Variants in ALMS1 observed in about 807,000 individuals in gnomAD.
ALMS1 encodes centrosome-associated protein ALMS1.
ALMS1 carries 271 observed loss-of-function variants against 352.2 expected under a neutral mutation model. That is an observed-to-expected ratio of 0.77 (90% CI 0.70 to 0.85). ALMS1 has a LOEUF of 0.85. Ranked by LOEUF, ALMS1 falls within the 40% of genes least tolerant of loss-of-function variation. ALMS1 has a pLI of 0.00. For missense variants in ALMS1, 5,445 were observed against 4,870.7 expected, an observed-to-expected ratio of 1.12 and a Z score of -3.51; for synonymous variants, 1,865 against 1,761.2, an observed-to-expected ratio of 1.06 and a Z score of -1.48.
intron 12 of ALMS1, among the ~76,000 whole-genome samples, chr2:73,538,554 G>A (rs570350599): frequency 8.5e-5 from 13 of 152,262 alleles, no homozygotes; most frequent in Admixed American, 7.8e-4. Context: ...AGTGGGTGCA[G>A]CACACCGAGC....
chr2:73,515,492 A>G (rs531873322), intron 10 of ALMS1, among the ~76,000 whole-genome samples: 22 of 152,232 alleles, frequency 1.4e-4, no homozygotes, highest in African/African-American at 3.9e-4. Flanking sequence ...TAAGAGGATA[A>G]TAGAGATTGA....
Position 73,489,758 on chromosome 2 carries a change from A to G in ALMS1, c.7799A>G (p.His2600Arg), listed in dbSNP as rs1345842508. The change falls in exon 10 of 23, where the codon CAC (histidine) becomes CGC (arginine). Residue 2600 changes from histidine to arginine, a missense_variant. Coordinates refer to ENST00000613296, the MANE Select transcript of ALMS1 (RefSeq NM_001378454.1). The part of the protein sequence containing the change: ...LTSEHPQLDR[H>R]PCAFRSAGPS... Reference sequence around the variant, plus strand: ...TCTGAACATCCACAACTAGATAGACACCCTTGTGCTTTCAGATCTGCTGGA... The same window carrying G: ...TCTGAACATCCACAACTAGATAGACGCCCTTGTGCTTTCAGATCTGCTGGA... 6.2e-7 allele frequency: 1 copy of G among 1,614,104 alleles called. No homozygotes were observed. Among genetic ancestry groups the G allele is most frequent in the African/African-American group, 1.3e-5 (1 of 74,988 alleles).
chr2:73,426,519 T>C lies in ALMS1; in HGVS notation c.1304T>C (p.Val435Ala). The C allele has an allele frequency of 6.2e-7, 1 of 1,614,158 alleles. No homozygotes were observed. The highest frequency in any genetic ancestry group is 8.5e-7 in the Non-Finnish European group (1 of 1,179,972). ...GATGGCCTAAATGAAAATGCTGTTG[T>C]ATGCAGTGAAAGAGTTGCTGAACTA... Reference protein sequence around the residue: ...TLDGLNENAVVCSERVAELQR... With the variant: ...TLDGLNENAVACSERVAELQR... The change falls in exon 6 of 23, where the codon GTA (valine) becomes GCA (alanine). Residue 435 changes from valine to alanine, a missense_variant. Val to Ala is a moderately conservative substitution (Grantham distance 64). Coordinates refer to ENST00000613296, the MANE Select transcript of ALMS1 (RefSeq NM_001378454.1).
chr2:73,417,667 TA>T lies in ALMS1; in HGVS notation c.451-1443del, dbSNP rs879450558. On this transcript the variant is annotated intron_variant, in intron 2 of 22. Coordinates refer to ENST00000613296, the MANE Select transcript of ALMS1 (RefSeq NM_001378454.1). ...CTGGGCAACATAGCAAGAACCTGTC[TA>T]AAAAAAAAAAAATTATTGCTATCCT... is the stretch of plus-strand genomic sequence containing the variant. Among the ~76,000 whole-genome samples the T allele has an allele frequency of 3.1e-3, 439 of 143,470 alleles. 1 individual carries two copies. Among genetic ancestry groups the T allele is most frequent in the African/African-American group, 8.4e-3 (331 of 39,406 alleles). 94.1% of individuals were successfully genotyped at this position (143,470 alleles called of 152,430 possible). A position where few individuals can be genotyped will look rare whatever the true frequency, so the allele number is the denominator to read the frequency against.
intron 1 of ALMS1, among the ~76,000 whole-genome samples, chr2:73,397,370 T>G (rs1670784219): frequency 6.6e-6 from 1 of 151,814 alleles, no homozygotes; most frequent in African/African-American, 2.4e-5. Flanking sequence ...AGTTTTGATT[T>G]TTTAGTTTGT....
At chr2:73,390,145 T>G (rs936243018) in intron 1 of ALMS1, among the ~76,000 whole-genome samples, 2 of 152,200 alleles carry the variant, frequency 1.3e-5, no homozygotes, top group African/African-American at 4.8e-5. Context: ...ATAGATGATT[T>G]TCTGTATTAA....
intron 10 of ALMS1, among the ~76,000 whole-genome samples, chr2:73,504,657 G>A (rs1673283987): frequency 1.3e-5 from 2 of 152,100 alleles, no homozygotes; most frequent in Non-Finnish European, 1.5e-5. Context: ...AATTTATACA[G>A]TATGTTTATC....
chr2:73,523,767 C>G (rs554610351), intron 11 of ALMS1, among the ~76,000 whole-genome samples: 2 of 151,770 alleles, frequency 1.3e-5, no homozygotes, highest in South Asian at 2.1e-4. Flanking sequence ...ACTCCTTCCC[C>G]CTTCCCCACC....
In ALMS1 at chr2:73,452,953, T is replaced by C. The variant is rs760389784; in HGVS notation, c.6426T>C (p.Phe2142=). The change falls in exon 8 of 23, where the codon TTT becomes TTC. Residue 2142 remains phenylalanine (F), a synonymous_variant. Transcript: ENST00000613296. ...TVLPTALPSS[F]SHREKPDIFY... ...TACCAACAGCTCTTCCTAGTTCCTT[T>C]TCACATCGAGAGAAACCAGATATTT... 6.2e-7 allele frequency: 1 copy of C among 1,613,040 alleles called. No homozygotes were observed. Among genetic ancestry groups the C allele is most frequent in the Non-Finnish European group, 8.5e-7 (1 of 1,179,570 alleles).
At chr2:73,406,454 G>GTTTTTTTTTTTTTTTTT (rs1670974927) in intron 1 of ALMS1, among the ~76,000 whole-genome samples, 1 of 83,284 alleles carries the variant, frequency 1.2e-5, no homozygotes. Flanking sequence ...TTTTTTTTTT[G>GTTTTTTTTTTTTTTTTT]GTAATTTCTT....
chr2:73,563,934 C>T (rs942726207), intron 15 of ALMS1, among the ~76,000 whole-genome samples: 1 of 151,748 alleles, frequency 6.6e-6, no homozygotes, highest in Non-Finnish European at 1.5e-5. Flanking sequence ...CTTGAACACA[C>T]ATAATTAGCT....
intron 12 of ALMS1, among the ~76,000 whole-genome samples, chr2:73,544,605 G>C (rs1041552301): frequency 2.2e-4 from 34 of 152,242 alleles, no homozygotes; most frequent in African/African-American, 7.2e-4. Flanking sequence ...TATTGCTGGT[G>C]GGAATGTAAA....
intron 3 of ALMS1, 87 bp from the exon 4 acceptor site, chr2:73,422,770 C>A: frequency 2.0e-6 from 2 of 1,023,702 alleles, no homozygotes; most frequent in Admixed American, 1.7e-5. Flanking sequence ...CATATGGCAG[C>A]ATATGTAGGT....
chr2:73,449,597 G>C lies in ALMS1; in HGVS notation c.3070G>C (p.Glu1024Gln). 13 of 1,614,052 alleles carry C rather than the reference G, an allele frequency of 8.1e-6. No individual in the cohort carries two copies. The highest frequency in any genetic ancestry group is 1.1e-5 in the Non-Finnish European group (13 of 1,179,966). The change falls in exon 8 of 23, where the codon GAA becomes CAA. Residue 1024 changes from glutamate to glutamine, a missense_variant. Physicochemically the swap from Glu to Gln is conservative, Grantham distance 29 (BLOSUM62 2). Transcript: ENST00000613296. ...GGAGTGGCCAGATAGTTATGCAACT[G>C]AAAAGGCTCTGAAAGTTTCAACTGG... ...QQEWPDSYATEKALKVSTGPG... is the reference protein window; with the variant it reads ...QQEWPDSYATQKALKVSTGPG...
At position 73,601,280 on chromosome 2, in the gene ALMS1, C is replaced by T. The variant is rs1292184685; in HGVS notation, c.11958C>T (p.Ser3986=). The T allele has an allele frequency of 2.5e-6, 4 of 1,614,206 alleles. No individual in the cohort carries two copies. Among genetic ancestry groups the T allele is most frequent in the Middle Eastern group, 1.6e-4 (1 of 6,062 alleles). The change falls in exon 19 of 23, where the codon TCC becomes TCT. Residue 3986 remains serine, a synonymous_variant. Transcript: ENST00000613296. ...CTAACACTTGTGGCCCTGGCATCTC[C>T]TGGTTTGAACCAATAACCAAGACCA... ...NVPNTCGPGI[S]WFEPITKTRP...
intron 12 of ALMS1, among the ~76,000 whole-genome samples, chr2:73,539,275 G>T (rs1674106306): frequency 6.6e-6 from 1 of 152,204 alleles, no homozygotes; most frequent in Non-Finnish European, 1.5e-5. Context: ...GGCAAATAGG[G>T]TCTGGAGTGG....
At chr2:73,567,163 G>C (rs1328525651) in intron 15 of ALMS1, among the ~76,000 whole-genome samples, 1 of 152,192 alleles carries the variant, frequency 6.6e-6, no homozygotes, top group East Asian at 1.9e-4. Flanking sequence ...CCAGAGATCA[G>C]GGGTTGGGGC....
chr2:73,549,189 T>C (rs974426968), intron 12 of ALMS1, among the ~76,000 whole-genome samples: 1 of 152,226 alleles, frequency 6.6e-6, no homozygotes, highest in Admixed American at 6.5e-5. Context: ...TTCTTTTGCC[T>C]GTTAGATGTG....
intron 21 of ALMS1, among the ~76,000 whole-genome samples, chr2:73,607,443 C>T (rs1048087931): frequency 6.6e-6 from 1 of 152,088 alleles, no homozygotes. Context: ...AGAACAGATC[C>T]CATGTTTTTC....
Sources: allele counts gnomAD v4.1 joint callset (sites outside exome capture counted in the v4.1 genomes callset), GRCh38; gene constraint gnomAD v4.1.1; transcripts MANE v1.5; gene names NCBI Gene and HGNC (gene_info 2026-07-23, HGNC 2026-07-21).